Variants in HIKESHI observed in about 807,000 individuals in gnomAD.
HIKESHI encodes the protein heat shock protein nuclear import factor hikeshi.
Under a neutral mutation model 25.7 loss-of-function variants are expected in HIKESHI, and 13 were observed. The observed-to-expected ratio is 0.51, with a 90% CI of 0.33 to 0.80. HIKESHI has a LOEUF of 0.80. Ranked by LOEUF, HIKESHI falls within the 30% of genes least tolerant of loss-of-function variation. The pLI, the probability that HIKESHI is intolerant of heterozygous loss-of-function variation, is 0.02. For missense variants in HIKESHI, 174 were observed against 229.5 expected, an observed-to-expected ratio of 0.76 and a Z score of 1.56; for synonymous variants, 76 against 78.7, an observed-to-expected ratio of 0.97 and a Z score of 0.18.
intron 2 of HIKESHI, among the ~76,000 whole-genome samples, chr11:86,319,100 T>G (rs1345372013): frequency 1.3e-5 from 2 of 151,418 alleles, no homozygotes; most frequent in Non-Finnish European, 2.9e-5. Context: ...TTTGTAGAGA[T>G]AGGGTCTTGC....
At chr11:86,341,429 A>G (rs957750356) in intron 3 of HIKESHI, among the ~76,000 whole-genome samples, 15 of 150,582 alleles carry the variant, frequency 1.0e-4, no homozygotes, top group Non-Finnish European at 2.2e-4. Context: ...ATTCTCATTC[A>G]GTTTATTTAA....
intron 4 of HIKESHI, chr11:86,345,001 C>A: frequency 1.7e-6 from 1 of 573,376 alleles, no homozygotes; most frequent in Non-Finnish European, 2.6e-6. Context: ...TGTGTATTTT[C>A]ATTTAGAAGT....
intron 2 of HIKESHI, among the ~76,000 whole-genome samples, chr11:86,318,227 C>A (rs552327986): frequency 2.9e-5 from 4 of 139,504 alleles, no homozygotes; most frequent in Admixed American, 1.6e-4. Flanking sequence ...TGGCGTGAAC[C>A]CGGGAGACGG....
At position 86,306,288 on chromosome 11, in the gene HIKESHI, T is replaced by C. The variant is rs1172264025; in HGVS notation, c.74T>C (p.Phe25Ser). 1.2e-6 allele frequency: 2 copies of C among 1,613,994 alleles called. No homozygotes were observed. Among genetic ancestry groups the C allele is most frequent in the Non-Finnish European group, 1.7e-6 (2 of 1,179,874 alleles). ...AQQVAEDKFV[F>S]DLPDYESINH... ...CAAGTGGCAGAGGATAAATTTGTTT[T>C]TGACTTACCTGATTATGAAAGTATC... The change falls in exon 2 of 5, where the codon TTT (phenylalanine) becomes TCT (serine). Residue 25 changes from phenylalanine (F) to serine (S), a missense_variant. Coordinates refer to ENST00000278483, the MANE Select transcript of HIKESHI (RefSeq NM_016401.4).
chr11:86,305,395 A>G lies in HIKESHI; in HGVS notation c.31-850A>G, dbSNP rs1020337040. Among the ~76,000 whole-genome samples, 4 of 151,756 alleles carry G rather than the reference A, an allele frequency of 2.6e-5. No homozygotes were observed. In the East Asian group the frequency reaches 7.8e-4, roughly 29 times the overall value. On this transcript the variant is annotated intron_variant, in intron 1 of 4. Transcript: ENST00000278483. ...TCTGAAGCTATAGTTATTTTTATTTATTTATTTTTTTGAGACGGAGTTTAG... is the reference window on the plus strand; with the variant it reads ...TCTGAAGCTATAGTTATTTTTATTTGTTTATTTTTTTGAGACGGAGTTTAG...
At chr11:86,309,620 G>C (rs1455883991) in intron 2 of HIKESHI, among the ~76,000 whole-genome samples, 1 of 152,094 alleles carries the variant, frequency 6.6e-6, no homozygotes, top group East Asian at 1.9e-4. Flanking sequence ...ATTGCTTTTG[G>C]TGTTTTAGTC....
intron 3 of HIKESHI, among the ~76,000 whole-genome samples, chr11:86,337,775 A>G (rs955178090): frequency 2.6e-5 from 4 of 152,154 alleles, no homozygotes; most frequent in African/African-American, 9.7e-5. Context: ...CTCCTGCCTC[A>G]GTCTCCTGAG....
At position 86,306,410 on chromosome 11, in the gene HIKESHI, G is replaced by T; in HGVS notation, c.196G>T (p.Val66Leu). 1 of 1,614,024 alleles carries T rather than the reference G, an allele frequency of 6.2e-7. No individual in the cohort carries two copies. Among genetic ancestry groups the T allele is most frequent in the Non-Finnish European group, 8.5e-7 (1 of 1,179,890 alleles). Reference sequence around the variant, plus strand: ...TTATCCTGATTCAAATGGAATGCCAGTATGGCAACTCCTAGGATTTGTCAC... The same window carrying T: ...TTATCCTGATTCAAATGGAATGCCATTATGGCAACTCCTAGGATTTGTCAC... ...FSYPDSNGMP[V>L]WQLLGFVTNG... Residue 66 changes from valine (V) to leucine (L), a missense_variant, in exon 2 of 5, where the codon GTA becomes TTA. Val to Leu is a conservative substitution (Grantham distance 32). Transcript: ENST00000278483.
At chr11:86,322,179 G>A (rs1947166907) in intron 2 of HIKESHI, among the ~76,000 whole-genome samples, 1 of 151,776 alleles carries the variant, frequency 6.6e-6, no homozygotes, top group Non-Finnish European at 1.5e-5. Context: ...AGTAGAGAGG[G>A]TTTCACCGTG....
At position 86,303,311 on chromosome 11, in the gene HIKESHI, T is replaced by C. The variant is rs182638467; in HGVS notation, c.30+833T>C. On this transcript the variant is annotated intron_variant, in intron 1 of 4. Transcript: ENST00000278483. ...CAGTCCCTTTGCTGAATTGTCTTTT[T>C]TTCCCATCAAGTTTTGATAATGTAT... 73 of 699,502 alleles carry C rather than the reference T, an allele frequency of 1.0e-4. 1 individual carries two copies. The East Asian group carries it at 6.2e-3, about 59-fold the overall frequency. 43.3% of individuals were successfully genotyped at this position (699,502 alleles called of 1,614,324 possible). A position where few individuals can be genotyped will look rare whatever the true frequency, so the allele number is the denominator to read the frequency against.
chr11:86,327,819 T>G (rs1947322027), intron 2 of HIKESHI, among the ~76,000 whole-genome samples: 1 of 152,206 alleles, frequency 6.6e-6, no homozygotes, highest in South Asian at 2.1e-4. Context: ...ATAAATATTC[T>G]TATACATATC....
chr11:86,315,443 C>T (rs112468991), intron 2 of HIKESHI, among the ~76,000 whole-genome samples: 13,412 of 152,114 alleles, frequency 0.088, 906 homozygotes, highest in African/African-American at 0.18. Context: ...GCCTCAGCCT[C>T]CCAAGTAGCT....
At chr11:86,332,050 T>A (rs1593857647) in intron 2 of HIKESHI, among the ~76,000 whole-genome samples, 2 of 148,966 alleles carry the variant, frequency 1.3e-5, no homozygotes, top group South Asian at 4.3e-4. Flanking sequence ...GCACTCCGCC[T>A]CCTGTGTTCA....
intron 2 of HIKESHI, among the ~76,000 whole-genome samples, chr11:86,330,575 A>C (rs1947396017): frequency 6.6e-6 from 1 of 152,174 alleles, no homozygotes; most frequent in African/African-American, 2.4e-5. Flanking sequence ...TTTTGATTTA[A>C]TCTGGTCCAG....
At chr11:86,307,349 AAT>A (rs1946662296) in intron 2 of HIKESHI, among the ~76,000 whole-genome samples, 1 of 94,472 alleles carries the variant, frequency 1.1e-5, no homozygotes, top group Non-Finnish European at 2.0e-5. Context: ...TTATATATCA[AAT>A]ATATATTATG....
In HIKESHI at chr11:86,344,739, T is replaced by C. The variant is rs1298654995; in HGVS notation, c.539+18T>C. On this transcript the variant is annotated intron_variant, in intron 4 of 4. Transcript: ENST00000278483. ...CTGAAATGGTATGAGGCATTTTCTG[T>C]CTCCAATATTAAGGCTTTTTATAAC... 2.0e-6 allele frequency: 3 copies of C among 1,478,134 alleles called. No individual in the cohort carries two copies. Among genetic ancestry groups the C allele is most frequent in the East Asian group, 2.3e-5 (1 of 44,174 alleles). The allele number at this position is 1,478,134 out of a possible 1,614,324, so 91.6% of individuals were successfully genotyped here. A position where few individuals can be genotyped will look rare whatever the true frequency, so the allele number is the denominator to read the frequency against.
intron 2 of HIKESHI, among the ~76,000 whole-genome samples, chr11:86,310,925 G>A (rs1946817270): frequency 6.6e-6 from 1 of 152,164 alleles, no homozygotes; most frequent in African/African-American, 2.4e-5. Context: ...CTTGATCATG[G>A]TGGATAAGCT....
At chr11:86,319,242 A>ATATATATATATATATATTT (rs1383589741) in intron 2 of HIKESHI, among the ~76,000 whole-genome samples, 2 of 94,950 alleles carry the variant, frequency 2.1e-5, no homozygotes, top group African/African-American at 9.3e-5. Context: ...ATATATATAT[A>ATATATATATATATATATTT]TTTTTTTTTT....
chr11:86,325,937 A>G (rs1053120912), intron 2 of HIKESHI, among the ~76,000 whole-genome samples: 2 of 151,898 alleles, frequency 1.3e-5, no homozygotes, highest in African/African-American at 4.8e-5. Flanking sequence ...GGGAAGGTTT[A>G]AAGAGGTTCC....
Sources: allele counts gnomAD v4.1 joint callset (sites outside exome capture counted in the v4.1 genomes callset), GRCh38; gene constraint gnomAD v4.1.1; transcripts MANE v1.5; gene names NCBI Gene and HGNC (gene_info 2026-07-23, HGNC 2026-07-21).